Variants in ZNF215 observed in about 807,000 individuals in gnomAD.
ZNF215 encodes BWSCR2-associated zinc finger protein 2.
ZNF215 carries 24 observed loss-of-function variants against 27.2 expected under a neutral mutation model. The observed-to-expected ratio is 0.88, with a 90% CI of 0.64 to 1.24. The LOEUF is 1.24. Ranked by LOEUF, ZNF215 falls within the 50% of genes most tolerant of loss-of-function variation. The probability of loss-of-function intolerance (pLI) is 0.00; values close to 1 mark genes in which losing one functional copy is unlikely to be tolerated. For missense variants in ZNF215, 675 were observed against 605.7 expected, an observed-to-expected ratio of 1.11 and a Z score of -1.20; for synonymous variants, 210 against 204.0, an observed-to-expected ratio of 1.03 and a Z score of -0.25.
At chr11:6,981,564 G>C (rs998416216) in intron 5 of ZNF215, among the ~76,000 whole-genome samples, 1 of 152,050 alleles carries the variant, frequency 6.6e-6, no homozygotes, top group African/African-American at 2.4e-5. Context: ...TAGGTTGCCT[G>C]TTCACTCTGA....
rs1851009771 is a variant in ZNF215, at chr11:6,983,820, G to GA, written c.806-305dup. ...AACATAAAAAGCTGATAAAAACAAG[G>GA]AAAAGACAAAGCATCAAGTAGAAAT... On this transcript the variant is annotated intron_variant, in intron 5 of 5. Coordinates refer to the ZNF215 transcript ENST00000529903. 2.0e-5 allele frequency among the ~76,000 whole-genome samples: 3 copies of GA among 151,958 alleles called. No homozygotes were observed. The South Asian group carries it at 6.2e-4, about 31-fold the overall frequency.
intron 3 of ZNF215, among the ~76,000 whole-genome samples, chr11:6,936,049 A>C (rs1256621139): frequency 6.6e-6 from 1 of 152,128 alleles, no homozygotes; most frequent in Non-Finnish European, 1.5e-5. Context: ...GGCATGGCTC[A>C]AATTGTAGCT....
chr11:6,939,722 A>G (rs1204686772), intron 3 of ZNF215, among the ~76,000 whole-genome samples: 2 of 152,160 alleles, frequency 1.3e-5, no homozygotes, highest in Non-Finnish European at 1.5e-5. Context: ...AAACTTCAAG[A>G]AGGGGAGGTC....
chr11:6,985,350 A>G (rs891473546), downstream of ZNF215, among the ~76,000 whole-genome samples: 1 of 152,224 alleles, frequency 6.6e-6, no homozygotes, highest in South Asian at 2.1e-4. Context: ...ATGTCCCTTC[A>G]TGATAAAAAG....
rs748021291 is a variant in ZNF215, at chr11:6,984,202, G to A, written c.879G>A (p.Trp293Ter). 17 of 326,916 alleles carry A rather than the reference G, an allele frequency of 5.2e-5. No individual in the cohort carries two copies. Among genetic ancestry groups the A allele is most frequent in the South Asian group, 3.7e-4 (16 of 43,012 alleles). The allele number at this position is 326,916 out of a possible 1,614,324, so 20.3% of individuals were successfully genotyped here. A position where few individuals can be genotyped will look rare whatever the true frequency, so the allele number is the denominator to read the frequency against. Residue 293 changes from tryptophan to a stop codon, truncating the protein, a stop_gained, in exon 6 of 6, where the codon TGG (tryptophan) becomes TGA (stop). Coordinates refer to the ZNF215 transcript ENST00000529903. LOFTEE classifies it high-confidence loss of function. ...CGGCTCACTGCAACCTCCACCTCTG[G>A]GTTCAAGTGATTCTCCTGCCTCAGC... is the stretch of plus-strand genomic sequence containing the variant.
intron 6 of ZNF215, among the ~76,000 whole-genome samples, chr11:6,951,706 T>G (rs1850077400): frequency 6.6e-6 from 1 of 152,184 alleles, no homozygotes; most frequent in Non-Finnish European, 1.5e-5. Context: ...ATTAATTTTT[T>G]GAAGGGTTTT....
rs1436212186 is a variant in ZNF215, at chr11:6,956,584, A to G, written c.*53A>G. 6 of 1,493,666 alleles carry G rather than the reference A, an allele frequency of 4.0e-6. No homozygotes were observed. Among genetic ancestry groups the G allele is most frequent in the Non-Finnish European group, 4.4e-6 (5 of 1,129,556 alleles). 92.5% of individuals were successfully genotyped at this position (1,493,666 alleles called of 1,614,324 possible). The stretch of plus-strand genomic sequence containing the variant: ...AGTCAGAATGCAGAACTCATTTAAC[A>G]TCATGAATTTATGCTGGATAAAATC... On this transcript the variant is annotated 3_prime_UTR_variant, in exon 7 of 7. Coordinates refer to ENST00000278319, the MANE Select transcript of ZNF215 (RefSeq NM_013250.4).
rs867396214 is a variant in ZNF215 at position 6,982,997 on chromosome 11, T to A, written c.806-1132T>A. Reference sequence around the variant, plus strand: ...GGTTTTTTGAAAGGATCAACAAAATTGATAGACCACTAGCAAGACTAATAA... The same window carrying A: ...GGTTTTTTGAAAGGATCAACAAAATAGATAGACCACTAGCAAGACTAATAA... On this transcript the variant is annotated intron_variant, in intron 5 of 5. Coordinates refer to the ZNF215 transcript ENST00000529903. Among the ~76,000 whole-genome samples, 1,442 of 148,584 alleles carry A rather than the reference T, an allele frequency of 9.7e-3. 24 individuals are homozygous for A. Among genetic ancestry groups the A allele is most frequent in the African/African-American group, 0.035 (1,376 of 39,582 alleles).
At chr11:6,974,114 GC>G (rs1269469768) in intron 5 of ZNF215, among the ~76,000 whole-genome samples, 4 of 151,896 alleles carry the variant, frequency 2.6e-5, no homozygotes, top group Admixed American at 1.3e-4. Context: ...TCTACATATG[GC>G]TAGCCAGTTT....
At chr11:6,951,756 T>C (rs1228596625) in intron 6 of ZNF215, among the ~76,000 whole-genome samples, 1 of 152,146 alleles carries the variant, frequency 6.6e-6, no homozygotes, top group East Asian at 1.9e-4. Flanking sequence ...TGATTTTAGT[T>C]ATTTCTTGCC....
chr11:6,957,334 C>A lies in ZNF215; in HGVS notation c.*803C>A. 1 of 264,862 alleles carries A rather than the reference C, an allele frequency of 3.8e-6. No individual in the cohort carries two copies. The allele number at this position is 264,862 out of a possible 1,614,324, so 16.4% of individuals were successfully genotyped here. The stretch of plus-strand genomic sequence containing the variant: ...CAGTTTCAAACCCCAAAGATGTATA[C>A]ATTAGGTTAATTGACATATCTAAAT... On this transcript the variant is annotated 3_prime_UTR_variant, in exon 7 of 7. Transcript: ENST00000278319.
Position 6,932,197 on chromosome 11 carries a change from T to C in ZNF215, c.-76T>C, listed in dbSNP as rs1356044996. The C allele has an allele frequency of 3.9e-6, 6 of 1,540,852 alleles. No individual in the cohort carries two copies. Among genetic ancestry groups the C allele is most frequent in the Admixed American group, 3.9e-5 (2 of 51,068 alleles). The stretch of plus-strand genomic sequence containing the variant: ...AATCACACTGCATATAGTACACAGG[T>C]GCTTAGCTCAAGCCTGAGAATTACT... On this transcript the variant is annotated 5_prime_UTR_variant, in exon 3 of 7. Transcript: ENST00000278319.
At position 6,951,569 on chromosome 11, in the gene ZNF215, C is replaced by T. The variant is rs369179513; in HGVS notation, c.713-4121C>T. Among the ~76,000 whole-genome samples the T allele has an allele frequency of 3.1e-3, 467 of 152,148 alleles. 4 individuals are homozygous for T. Among genetic ancestry groups the T allele is most frequent in the African/African-American group, 0.01 (434 of 41,502 alleles). On this transcript the variant is annotated intron_variant, in intron 6 of 6. Coordinates refer to ENST00000278319, the MANE Select transcript of ZNF215 (RefSeq NM_013250.4). ...ATGGTAGTTTGTATTTCTGTGGGAT[C>T]GGTGGTGATATCTCCTTTATCATTT... is the stretch of plus-strand genomic sequence containing the variant.
downstream of ZNF215, among the ~76,000 whole-genome samples, chr11:6,990,888 A>T (rs1243751069): frequency 1.3e-5 from 2 of 152,222 alleles, no homozygotes; most frequent in Admixed American, 1.3e-4. Flanking sequence ...CTCCTGCAAA[A>T]ATTCAACAGA....
chr11:6,966,290 G>A (rs1850616096), intron 5 of ZNF215, among the ~76,000 whole-genome samples: 1 of 152,030 alleles, frequency 6.6e-6, no homozygotes, highest in African/African-American at 2.4e-5. Context: ...GTACACATGT[G>A]CACAAAGTAG....
chr11:6,985,757 G>A (rs1202317239), downstream of ZNF215, among the ~76,000 whole-genome samples: 3 of 152,106 alleles, frequency 2.0e-5, no homozygotes, highest in Non-Finnish European at 4.4e-5. Flanking sequence ...TAAGCTGAGA[G>A]CCAAATCAAG....
chr11:6,983,630 C>G (rs1045723941), intron 5 of ZNF215, among the ~76,000 whole-genome samples: 7 of 152,018 alleles, frequency 4.6e-5, no homozygotes, highest in African/African-American at 1.2e-4. Context: ...AAAACTAGAA[C>G]ATAGATATAT....
At chr11:6,976,042 C>G (rs1044319576) in intron 5 of ZNF215, among the ~76,000 whole-genome samples, 7 of 152,054 alleles carry the variant, frequency 4.6e-5, no homozygotes, top group African/African-American at 1.2e-4. Flanking sequence ...GCTGTTTTAA[C>G]TGGGGTGAAA....
downstream of ZNF215, among the ~76,000 whole-genome samples, chr11:6,986,612 T>C (rs764025049): frequency 2.0e-5 from 3 of 152,090 alleles, no homozygotes; most frequent in Non-Finnish European, 4.4e-5. Flanking sequence ...TTGTAAACTA[T>C]GCATCCAACA....
Sources: allele counts gnomAD v4.1 joint callset (sites outside exome capture counted in the v4.1 genomes callset), GRCh38; gene constraint gnomAD v4.1.1; transcripts MANE v1.5; gene names NCBI Gene and HGNC (gene_info 2026-07-23, HGNC 2026-07-21).